The following ACER2 variants were observed in gnomAD, a reference collection of about 807,000 sequenced individuals.
ACER2 encodes alkCDase 2.
A neutral mutation model predicts 34.7 loss-of-function variants in ACER2; 26 were observed. That is an observed-to-expected ratio of 0.75 (90% confidence interval 0.55 to 1.04). The LOEUF (loss-of-function observed/expected upper bound fraction) is 1.04, where lower values mean the gene tolerates loss of function less well. Ranked by LOEUF, ACER2 falls within the 50% of genes least tolerant of loss-of-function variation. The pLI, the probability that ACER2 is intolerant of heterozygous loss-of-function variation, is 0.00. For missense variants in ACER2, 352 were observed against 340.8 expected (o/e 1.03, Z -0.26); for synonymous variants, 138 against 132.1 (o/e 1.04, Z -0.31).
chr9:19,409,776 T>A (rs1427687018), intron 1 of ACER2: 2 of 985,188 alleles, frequency 2.0e-6, no homozygotes, highest in Non-Finnish European at 2.4e-6. Context: ...GCCTTTAGTG[T>A]CCTGTCTTGT....
rs1355866856 is a variant in ACER2, at chr9:19,448,091, C to T, written c.641+1673C>T. 2.1e-5 allele frequency among the ~76,000 whole-genome samples: 3 copies of T among 143,400 alleles called. No individual in the cohort carries two copies. In the East Asian group the frequency reaches 6.0e-4, roughly 29 times the overall value. 94.1% of individuals were successfully genotyped at this position (143,400 alleles called of 152,430 possible). ...GGGTGATCTTGGCTCACTGCAATCT[C>T]TGCCTCCCGGACTGAAAGTGATTCT... On this transcript the variant is annotated intron_variant, in intron 5 of 5. Transcript: ENST00000340967.
chr9:19,440,599 C>CA, intron 4 of ACER2, among the ~76,000 whole-genome samples: 1 of 152,318 alleles, frequency 6.6e-6, no homozygotes, highest in Admixed American at 6.5e-5. Context: ...TCAGACTTCC[C>CA]AGCCTCTAGA....
intron 5 of ACER2, among the ~76,000 whole-genome samples, chr9:19,448,948 G>A (rs1831471039): frequency 6.6e-6 from 1 of 152,116 alleles, no homozygotes; most frequent in Non-Finnish European, 1.5e-5. Context: ...AGACCATCCT[G>A]GCTAACACGG....
chr9:19,437,882 T>G (rs1460333832), intron 4 of ACER2, among the ~76,000 whole-genome samples: 5 of 152,248 alleles, frequency 3.3e-5, no homozygotes, highest in Non-Finnish European at 7.3e-5. Context: ...TAGCGCATTC[T>G]CTCTTAAATA....
chr9:19,444,444 C>T (rs900325507), intron 4 of ACER2, among the ~76,000 whole-genome samples: 20 of 152,122 alleles, frequency 1.3e-4, no homozygotes, highest in Non-Finnish European at 2.5e-4. Context: ...GATCTCCTGA[C>T]CTCTGGTCCG....
At chr9:19,426,002 C>T (rs1475445797) in intron 3 of ACER2, among the ~76,000 whole-genome samples, 9 of 152,114 alleles carry the variant, frequency 5.9e-5, no homozygotes, top group African/African-American at 1.9e-4. Context: ...AATGGAGAAG[C>T]GTCTATGAAA....
chr9:19,423,890 C>T lies in ACER2; in HGVS notation c.137C>T (p.Pro46Leu), dbSNP rs749088244. ...TISNVLFFIL[P>L]PICMCLFRQY... ...AGCAATGTCTTATTTTTCATTTTAC[C>T]GCCCATCTGCATGTGCTTGTTTCGT... Residue 46 changes from proline to leucine, a missense_variant, in exon 2 of 6, where the codon CCG becomes CTG. Transcript: ENST00000340967. 22 of 1,613,550 alleles carry T rather than the reference C, an allele frequency of 1.4e-5. No individual in the cohort carries two copies. The highest frequency in any genetic ancestry group is 8.8e-5 in the South Asian group (8 of 91,064).
At position 19,435,065 on chromosome 9, in the gene ACER2, C is replaced by G. The variant is rs1014634817; in HGVS notation, c.484C>G (p.Leu162Val). 3.7e-6 allele frequency: 6 copies of G among 1,614,170 alleles called. No homozygotes were observed. Among genetic ancestry groups the G allele is most frequent in the Non-Finnish European group, 5.1e-6 (6 of 1,180,016 alleles). The change falls in exon 4 of 6, where the codon CTC becomes GTC. Residue 162 changes from leucine to valine, a missense_variant. Physicochemically the swap from Leu to Val is conservative, Grantham distance 32. Coordinates refer to ENST00000340967, the MANE Select transcript of ACER2 (RefSeq NM_001010887.3). ...MTLGVPCTAL[L>V]IAELKRCDNM... Reference sequence around the variant, plus strand: ...CCTGGGAGTTCCTTGCACTGCACTGCTCATCGCAGAGCTAAAGAGGTAGGT... The same window carrying G: ...CCTGGGAGTTCCTTGCACTGCACTGGTCATCGCAGAGCTAAAGAGGTAGGT...
rs1195658136 is a variant in ACER2 at position 19,452,291 on chromosome 9, A to C, written c.*1655A>C. 6.6e-6 allele frequency among the ~76,000 whole-genome samples: 1 copy of C among 152,152 alleles called. No individual in the cohort carries two copies. Among genetic ancestry groups the C allele is most frequent in the Non-Finnish European group, 1.5e-5 (1 of 68,030 alleles). The stretch of plus-strand genomic sequence containing the variant: ...GTGACGATTTTTGACACATCCAGGA[A>C]CTCTTACTCTAGTTAGAATTTGTAC... On this transcript the variant is annotated 3_prime_UTR_variant, in exon 6 of 6. Transcript: ENST00000340967.
chr9:19,437,752 C>G (rs993015458), intron 4 of ACER2, among the ~76,000 whole-genome samples: 1 of 152,244 alleles, frequency 6.6e-6, no homozygotes, highest in African/African-American at 2.4e-5. Context: ...AATCCTACCC[C>G]TTCTGCAATG....
chr9:19,441,782 A>C (rs1831164589), intron 4 of ACER2, among the ~76,000 whole-genome samples: 1 of 152,172 alleles, frequency 6.6e-6, no homozygotes, highest in East Asian at 1.9e-4. Context: ...ACCAGTTCCC[A>C]GCCAGGAAAA....
At chr9:19,417,419 T>G (rs562850695) in intron 1 of ACER2, among the ~76,000 whole-genome samples, 27 of 152,334 alleles carry the variant, frequency 1.8e-4, no homozygotes, top group African/African-American at 6.0e-4. Flanking sequence ...GCCAAGGCAT[T>G]CCTAAGCCAA....
chr9:19,432,667 T>G (rs1432765506), intron 3 of ACER2, among the ~76,000 whole-genome samples: 1 of 148,194 alleles, frequency 6.7e-6, no homozygotes, highest in African/African-American at 2.4e-5. Flanking sequence ...TATAACCATA[T>G]AGTTATGCTA....
At chr9:19,411,707 C>T (rs1830092343) in intron 1 of ACER2, among the ~76,000 whole-genome samples, 1 of 152,178 alleles carries the variant, frequency 6.6e-6, no homozygotes, top group Admixed American at 6.5e-5. Flanking sequence ...TTATAGGAAA[C>T]TCATAATCAT....
intron 3 of ACER2, among the ~76,000 whole-genome samples, chr9:19,434,268 A>G (rs931172701): frequency 1.3e-5 from 2 of 151,178 alleles, no homozygotes; most frequent in Non-Finnish European, 2.9e-5. Flanking sequence ...AGCCGGGCAG[A>G]GATGCTCCTC....
At position 19,423,866 on chromosome 9, in the gene ACER2, G is replaced by T; in HGVS notation, c.113G>T (p.Ser38Ile). ...PAIAEFYNTI[S>I]NVLFFILPPI... Reference sequence around the variant, plus strand: ...TTTTACATTTTTTTCCTGCAGATCAGCAATGTCTTATTTTTCATTTTACCG... The same window carrying T: ...TTTTACATTTTTTTCCTGCAGATCATCAATGTCTTATTTTTCATTTTACCG... The change falls in exon 2 of 6, where the codon AGC becomes ATC. Residue 38 changes from serine to isoleucine, a missense_variant. Ser to Ile is a moderately radical substitution (Grantham distance 142). Coordinates refer to ENST00000340967, the MANE Select transcript of ACER2 (RefSeq NM_001010887.3). 1.2e-6 allele frequency: 2 copies of T among 1,612,406 alleles called. No individual in the cohort carries two copies. The highest frequency in any genetic ancestry group is 2.2e-5 in the South Asian group (2 of 91,038).
At chr9:19,433,970 C>T (rs1456715459) in intron 3 of ACER2, among the ~76,000 whole-genome samples, 1 of 151,882 alleles carries the variant, frequency 6.6e-6, no homozygotes, top group Non-Finnish European at 1.5e-5. Context: ...CCACCTCCCT[C>T]CCGGACGGGG....
chr9:19,431,207 A>C (rs1830744334), intron 3 of ACER2, among the ~76,000 whole-genome samples: 1 of 152,186 alleles, frequency 6.6e-6, no homozygotes, highest in African/African-American at 2.4e-5. Flanking sequence ...TTAGTACATA[A>C]TATGTACTGG....
At chr9:19,412,139 T>C (rs768555374) in intron 1 of ACER2, among the ~76,000 whole-genome samples, 8 of 152,204 alleles carry the variant, frequency 5.3e-5, no homozygotes, top group Non-Finnish European at 1.2e-4. Context: ...TTAAAACTCC[T>C]GTCTTGGGAT....
Sources: allele counts gnomAD v4.1 joint callset (sites outside exome capture counted in the v4.1 genomes callset), GRCh38; gene constraint gnomAD v4.1.1; transcripts MANE v1.5; gene names NCBI Gene and HGNC (gene_info 2026-07-23, HGNC 2026-07-21).